The following SYCP2 variants were observed in gnomAD, a reference collection of about 807,000 sequenced individuals.
SYCP2 encodes synaptonemal complex protein 2.
In SYCP2, 55 loss-of-function variants were observed where a neutral mutation model predicts 211.3. That is an observed-to-expected ratio of 0.26 (90% CI 0.21 to 0.33). SYCP2 has a LOEUF of 0.33. Ranked by LOEUF, SYCP2 falls within the 10% of genes least tolerant of loss-of-function variation. SYCP2 has a pLI of 1.00. For missense variants in SYCP2, 1,731 were observed against 1,752.0 expected (o/e 0.99, Z 0.21); for synonymous variants, 570 against 555.2 (o/e 1.03, Z -0.37).
intron 14 of SYCP2, among the ~76,000 whole-genome samples, chr20:59,909,581 C>T (rs149896552): frequency 5.3e-4 from 81 of 152,352 alleles, no homozygotes; most frequent in African/African-American, 1.9e-3. Flanking sequence ...ACATACGTGA[C>T]ACATAGTTCT....
intron 26 of SYCP2, among the ~76,000 whole-genome samples, chr20:59,883,566 G>A (rs2059725654): frequency 6.6e-6 from 1 of 151,530 alleles, no homozygotes; most frequent in Non-Finnish European, 1.5e-5. Flanking sequence ...CAAGACAAGA[G>A]GACATTATGC....
rs139035681 is a variant in SYCP2, at chr20:59,920,387, G to A, written c.269C>T (p.Thr90Met). The A allele has an allele frequency of 3.7e-5, 60 of 1,608,366 alleles. No homozygotes were observed. The highest frequency in any genetic ancestry group is 3.6e-4 in the East Asian group (16 of 44,676). ...ISVLGQAGLL[T>M]MIKQGLIQKM... The stretch of plus-strand genomic sequence containing the variant: ...TTGTATTAGTCCTTGTTTTATCATC[G>A]TTAGAAGTCCAGCTTGCCCCAATAC... The change falls in exon 5 of 45, where the codon ACG becomes ATG. Residue 90 changes from threonine (T) to methionine (M), a missense_variant. Thr to Met is a moderately conservative substitution (Grantham distance 81). Coordinates refer to ENST00000357552, the MANE Select transcript of SYCP2 (RefSeq NM_014258.4).
rs1325578290 is a variant in SYCP2, at chr20:59,896,450, G to A, written c.1483C>T (p.Pro495Ser). 6.3e-7 allele frequency: 1 copy of A among 1,592,718 alleles called. No individual in the cohort carries two copies. The highest frequency in any genetic ancestry group is 1.1e-5 in the South Asian group (1 of 89,222). ...SGADRYTMRSPVLFSNTSIPP... is the reference protein window; with the variant it reads ...SGADRYTMRSSVLFSNTSIPP... ...TTACATGTGTTGCTGAAAAGCACTG[G>A]ACTTCTCATAGTGTATCTATCTGCA... The change falls in exon 19 of 45, where the codon CCA (proline) becomes TCA (serine). Residue 495 changes from proline (P) to serine (S), a missense_variant. By Grantham distance (74) the Pro-to-Ser change is moderately conservative. Around this residue, in one of 3 missense-constraint regions of SYCP2, gnomAD observed 1,387 missense variants for 1,351.3 expected, o/e 1.03. Coordinates refer to ENST00000357552, the MANE Select transcript of SYCP2 (RefSeq NM_014258.4).
In SYCP2 at chr20:59,864,255, C is replaced by T; in HGVS notation, c.*56G>A. The stretch of plus-strand genomic sequence containing the variant: ...CTCTTTGTAGGACTATTCTTATTTC[C>T]TCAGTTATATACAGAGAATAATAAT... On this transcript the variant is annotated 3_prime_UTR_variant, in exon 45 of 45. Coordinates refer to ENST00000357552, the MANE Select transcript of SYCP2 (RefSeq NM_014258.4). The T allele has an allele frequency of 1.6e-6, 2 of 1,228,432 alleles. No homozygotes were observed. Among genetic ancestry groups the T allele is most frequent in the East Asian group, 2.5e-5 (1 of 39,474 alleles). The allele number at this position is 1,228,432 out of a possible 1,614,324, so 76.1% of individuals were successfully genotyped here. A position where few individuals can be genotyped will look rare whatever the true frequency, so the allele number is the denominator to read the frequency against.
intron 24 of SYCP2, among the ~76,000 whole-genome samples, chr20:59,887,511 C>T (rs966365065): frequency 1.3e-5 from 2 of 151,996 alleles, no homozygotes; most frequent in South Asian, 4.2e-4. Context: ...GGGTATATAC[C>T]CAGTAATGGG....
chr20:59,881,428 A>T lies in SYCP2; in HGVS notation c.2714+9T>A. 1 of 1,444,512 alleles carries T rather than the reference A, an allele frequency of 6.9e-7. No individual in the cohort carries two copies. The highest frequency in any genetic ancestry group is 9.5e-7 in the Non-Finnish European group (1 of 1,054,366). The allele number at this position is 1,444,512 out of a possible 1,614,324, so 89.5% of individuals were successfully genotyped here. ...GATCAGAATATTTTAATCTAATAAA[A>T]ATACCTACAATCTAATTGACCTATC... On this transcript the variant is annotated intron_variant, in intron 29 of 44. Transcript: ENST00000357552.
chr20:59,881,664 T>C (rs2145676671), intron 28 of SYCP2, among the ~76,000 whole-genome samples, 172 bp from the exon 29 acceptor site: 1 of 150,576 alleles, frequency 6.6e-6, no homozygotes, highest in East Asian at 1.9e-4. Flanking sequence ...AAAAATAGAA[T>C]AGTTTTTTTT....
Position 59,865,536 on chromosome 20 carries a change from C to T in SYCP2, c.4458+37G>A, listed in dbSNP as rs573758887. 5 of 1,574,856 alleles carry T rather than the reference C, an allele frequency of 3.2e-6. No homozygotes were observed. The Admixed American group carries it at 5.4e-5, about 17-fold the overall frequency. On this transcript the variant is annotated intron_variant, in intron 43 of 44. Coordinates refer to ENST00000357552, the MANE Select transcript of SYCP2 (RefSeq NM_014258.4). ...TACATTAACAAATTCTTTTTGTAAT[C>T]AAGAGAGGTAACCTATAAAAAGCAT...
In SYCP2 at chr20:59,867,715, T is replaced by C. The variant is rs758705098; in HGVS notation, c.4121A>G (p.Asn1374Ser). 3 of 1,605,306 alleles carry C rather than the reference T, an allele frequency of 1.9e-6. No individual in the cohort carries two copies. The highest frequency in any genetic ancestry group is 1.7e-5 in the Admixed American group (1 of 59,436). The change falls in exon 39 of 45, where the codon AAT becomes AGT. Residue 1374 changes from asparagine to serine, a missense_variant. Asn to Ser is a conservative substitution (Grantham distance 46). Around this residue, in one of 3 missense-constraint regions of SYCP2, gnomAD observed 1,387 missense variants for 1,351.3 expected, o/e 1.03. Transcript: ENST00000357552. Reference protein sequence around the residue: ...ERLNSEFKRRNNIRHKMLSYF... With the variant: ...ERLNSEFKRRSNIRHKMLSYF... Reference sequence around the variant, plus strand: ...ATAATTTAAAGAATAACTCACATTATTCCTTCTCTTAAATTCTGAATTGAG... The same window carrying C: ...ATAATTTAAAGAATAACTCACATTACTCCTTCTCTTAAATTCTGAATTGAG...
In SYCP2 at chr20:59,898,211, AT is replaced by A. The variant is rs1312786933; in HGVS notation, c.1405-1684del. 3.3e-5 allele frequency among the ~76,000 whole-genome samples: 5 copies of A among 152,324 alleles called. No homozygotes were observed. The East Asian group carries it at 9.7e-4, about 29-fold the overall frequency. On this transcript the variant is annotated intron_variant, in intron 18 of 44. Coordinates refer to ENST00000357552, the MANE Select transcript of SYCP2 (RefSeq NM_014258.4). ...AATACCATTTGACTCAGCAAATCCC[AT>A]TACTGGGTATATACCGAAAGGATTA...
chr20:59,921,582 AT>A, intron 3 of SYCP2, 129 bp from the exon 4 acceptor site: 1 of 556,108 alleles, frequency 1.8e-6, no homozygotes, highest in Non-Finnish European at 2.8e-6. Flanking sequence ...TAATTCACGT[AT>A]TTTTTAAAAA....
intron 24 of SYCP2, among the ~76,000 whole-genome samples, chr20:59,890,321 T>A (rs1274071006): frequency 1.3e-5 from 2 of 152,058 alleles, no homozygotes; most frequent in Admixed American, 1.3e-4. Flanking sequence ...CACCACATGT[T>A]CTCACTCATA....
At chr20:59,902,439 T>C (rs1394689616) in intron 15 of SYCP2, among the ~76,000 whole-genome samples, 1 of 152,094 alleles carries the variant, frequency 6.6e-6, no homozygotes, top group East Asian at 1.9e-4. Context: ...GCACCTGTAT[T>C]ATAGACCAGA....
chr20:59,896,773 C>T (rs2060017138), intron 18 of SYCP2, among the ~76,000 whole-genome samples: 1 of 152,012 alleles, frequency 6.6e-6, no homozygotes, highest in Non-Finnish European at 1.5e-5. Context: ...ATAGAATATC[C>T]ATGCCTATGA....
chr20:59,905,292 GAAGT>G (rs1400912744), intron 15 of SYCP2, among the ~76,000 whole-genome samples: 2 of 152,084 alleles, frequency 1.3e-5, no homozygotes, highest in African/African-American at 2.4e-5. Flanking sequence ...CATATTTTCA[GAAGT>G]AATTAATTAT....
intron 36 of SYCP2, 101 bp downstream of exon 36, chr20:59,869,697 A>T (rs2145604215): frequency 1.6e-6 from 1 of 615,608 alleles, no homozygotes. Flanking sequence ...ACAGTTGAAA[A>T]GCATTAAAAT....
At chr20:59,893,476 T>C (rs1309082521) in intron 21 of SYCP2, 48 bp downstream of exon 21, 2 of 1,202,280 alleles carry the variant, frequency 1.7e-6, no homozygotes, top group East Asian at 2.4e-5. Context: ...GGGAGAAGTA[T>C]ATACATTTTC....
chr20:59,891,314 A>G (rs527905355), intron 24 of SYCP2, among the ~76,000 whole-genome samples: 1 of 152,160 alleles, frequency 6.6e-6, no homozygotes, highest in East Asian at 1.9e-4. Context: ...TTGATAGTTA[A>G]GAAAAAATGA....
rs758085603 is a variant in SYCP2 at position 59,886,006 on chromosome 20, TATCA to T, written c.2493-46_2493-43del. On this transcript the variant is annotated intron_variant, in intron 25 of 44. Coordinates refer to ENST00000357552, the MANE Select transcript of SYCP2 (RefSeq NM_014258.4). The stretch of plus-strand genomic sequence containing the variant: ...TGTCAAAATTGAAAAAGCAAATCAG[TATCA>T]ATATCATAAAAGTCATTTTAAGATA... 4.9e-6 allele frequency: 7 copies of T among 1,428,070 alleles called. No homozygotes were observed. In the East Asian group the frequency reaches 1.2e-4, roughly 24 times the overall value. 88.5% of individuals were successfully genotyped at this position (1,428,070 alleles called of 1,614,324 possible). A position where few individuals can be genotyped will look rare whatever the true frequency, so the allele number is the denominator to read the frequency against.
Sources: gnomAD v4.1 joint callset for allele counts (sites outside exome capture counted in the v4.1 genomes callset) on GRCh38, gnomAD v4.1.1 for gene constraint, gnomAD v4.1.1 regional missense constraint, MANE v1.5 for transcripts, NCBI Gene and HGNC (gene_info 2026-07-23, HGNC 2026-07-21) for gene names.